Variants in IQSEC3 observed in about 807,000 individuals in gnomAD.
IQSEC3 encodes IQ motif and Sec7 domain ArfGEF 3, also known as IQ motif and SEC7 domain-containing protein 3.
Under a neutral mutation model 105.4 loss-of-function variants are expected in IQSEC3, and 50 were observed. The ratio of observed to expected loss-of-function variants is 0.47; its 90% CI spans 0.38 to 0.60. The LOEUF (loss-of-function observed/expected upper bound fraction) is 0.60. Among genes scored for constraint, IQSEC3 ranks in the 20% least tolerant of loss-of-function variants. The pLI is 0.00. For missense variants in IQSEC3, 1,415 were observed against 1,630.0 expected (o/e 0.87, Z 2.27); for synonymous variants, 708 against 746.0 (o/e 0.95, Z 0.83).
At chr12:83,421 G>A (rs1275625959) in intron 1 of IQSEC3, among the ~76,000 whole-genome samples, 6 of 152,016 alleles carry the variant, frequency 3.9e-5, no homozygotes, top group South Asian at 2.1e-4. Context: ...AGAAAAGTAC[G>A]GGGGTGGCTA....
Position 174,622 on chromosome 12 carries a change from A to T in IQSEC3, c.3138A>T (p.Gln1046His). ...TVEVSIHNRL[Q>H]TSQHNSGLGA... ...AGGTGTCAATTCACAACAGGCTTCA[A>T]ACGTCCCAGCACAACTCCGGGCTGG... The change falls in exon 14 of 14, where the codon CAA (glutamine) becomes CAT (histidine). Residue 1046 changes from glutamine (Q) to histidine (H), a missense_variant. Physicochemically the swap from Gln to His is conservative, Grantham distance 24. Around this residue, in one of 6 missense-constraint regions of IQSEC3, gnomAD observed 419 missense variants for 436.2 expected, o/e 0.96. Transcript: ENST00000538872. 1 of 1,554,240 alleles carries T rather than the reference A, an allele frequency of 6.4e-7. No homozygotes were observed.
intron 5 of IQSEC3, chr12:144,256 T>G (rs4980848): frequency 0.76 from 115,444 of 151,876 alleles, 43,984 homozygotes; most frequent in Middle Eastern, 0.88. Flanking sequence ...GCATTTCCCT[T>G]CCACTCTGAC....
At chr12:127,439 G>A (rs114070016) in intron 3 of IQSEC3, among the ~76,000 whole-genome samples, 1 of 152,146 alleles carries the variant, frequency 6.6e-6, no homozygotes, top group Non-Finnish European at 1.5e-5. Context: ...TTCCTTGAAT[G>A]CGGGAGGCGG....
At chr12:139,479 G>C in intron 4 of IQSEC3, 125 bp downstream of exon 4, 1 of 720,506 alleles carries the variant, frequency 1.4e-6, no homozygotes, top group South Asian at 2.2e-5. Context: ...GGGTCCTCCA[G>C]GCAGGCGCAT....
intron 5 of IQSEC3, among the ~76,000 whole-genome samples, chr12:155,181 C>T (rs1210094541): frequency 1.3e-5 from 2 of 152,202 alleles, no homozygotes; most frequent in African/African-American, 2.4e-5. Flanking sequence ...GGAGGGCCAC[C>T]GGGAAATCAG....
chr12:133,023 G>T (rs1565420368), intron 3 of IQSEC3, among the ~76,000 whole-genome samples: 1 of 152,212 alleles, frequency 6.6e-6, no homozygotes, highest in Admixed American at 6.5e-5. Context: ...AATCAGCTGG[G>T]ATCTGGGGCT....
At chr12:115,382 C>A (rs1555080429) in intron 2 of IQSEC3, among the ~76,000 whole-genome samples, 1 of 152,112 alleles carries the variant, frequency 6.6e-6, no homozygotes, top group African/African-American at 2.4e-5. Flanking sequence ...GCTTTAGAGC[C>A]AAGAGAATAT....
At chr12:162,909 G>A (rs1292806018) in intron 8 of IQSEC3, among the ~76,000 whole-genome samples, 2 of 152,128 alleles carry the variant, frequency 1.3e-5, no homozygotes, top group African/African-American at 4.8e-5. Flanking sequence ...GAGGGAAGCA[G>A]GTTGACAGTG....
At chr12:157,190 T>A (rs1555094613) in intron 6 of IQSEC3, 43 bp downstream of exon 6, 1 of 1,488,254 alleles carries the variant, frequency 6.7e-7, no homozygotes, top group South Asian at 1.4e-5. Flanking sequence ...GACCCCAGCG[T>A]GGGGAAGCCG....
chr12:70,621 C>A (rs1242104425), intron 1 of IQSEC3, among the ~76,000 whole-genome samples: 1 of 152,368 alleles, frequency 6.6e-6, no homozygotes, highest in African/African-American at 2.4e-5. Context: ...GGTGCCAGAA[C>A]CTCAACTTGA....
intron 6 of IQSEC3, 51 bp from the exon 7 acceptor site, chr12:157,477 G>T (rs782748126): frequency 6.4e-7 from 1 of 1,558,166 alleles, no homozygotes. Flanking sequence ...TTGGGCCCGG[G>T]GGAGGGTGGG....
At chr12:131,652 C>G (rs1420900095) in intron 3 of IQSEC3, among the ~76,000 whole-genome samples, 1 of 152,178 alleles carries the variant, frequency 6.6e-6, no homozygotes, top group African/African-American at 2.4e-5. Context: ...CAGCACTGGG[C>G]ACAAGAGATG....
At chr12:172,933 G>A (rs561792449) in intron 13 of IQSEC3, among the ~76,000 whole-genome samples, 30 of 152,296 alleles carry the variant, frequency 2.0e-4, no homozygotes, top group African/African-American at 6.5e-4. Flanking sequence ...GGCGCGGCAC[G>A]GGGAGCTTCA....
intron 2 of IQSEC3, among the ~76,000 whole-genome samples, chr12:116,830 A>G (rs1263771197): frequency 1.3e-5 from 2 of 152,180 alleles, no homozygotes; most frequent in African/African-American, 4.8e-5. Flanking sequence ...TGTAAAGACA[A>G]GGGGGGCGTT....
At chr12:112,884 A>T (rs928647957) in intron 2 of IQSEC3, among the ~76,000 whole-genome samples, 1 of 151,932 alleles carries the variant, frequency 6.6e-6, no homozygotes. Flanking sequence ...CCTACATTTC[A>T]CTTATTATTG....
intron 2 of IQSEC3, among the ~76,000 whole-genome samples, chr12:100,612 T>G (rs1864393618): frequency 1.3e-5 from 2 of 151,952 alleles, no homozygotes; most frequent in African/African-American, 4.8e-5. Flanking sequence ...GAGGGAGGGA[T>G]GGGAGTTACT....
At chr12:73,138 T>C (rs1162938676) in intron 1 of IQSEC3, among the ~76,000 whole-genome samples, 3 of 151,884 alleles carry the variant, frequency 2.0e-5, no homozygotes, top group Non-Finnish European at 4.4e-5. Context: ...AGCTAAATCT[T>C]TCAGGCTGAA....
chr12:73,948 GC>G (rs1221254473), intron 1 of IQSEC3, among the ~76,000 whole-genome samples: 2 of 152,274 alleles, frequency 1.3e-5, no homozygotes, highest in African/African-American at 4.8e-5. Context: ...GCTTCTTTAA[GC>G]CCAACTAAAA....
At chr12:93,869 CCT>C (rs1555074159) in intron 1 of IQSEC3, among the ~76,000 whole-genome samples, 1 of 152,124 alleles carries the variant, frequency 6.6e-6, no homozygotes, top group Non-Finnish European at 1.5e-5. Context: ...ACCTCCCTCC[CCT>C]CTCTCTTTTG....
Sources: gnomAD v4.1 joint callset for allele counts (sites outside exome capture counted in the v4.1 genomes callset) on GRCh38, gnomAD v4.1.1 for gene constraint, gnomAD v4.1.1 regional missense constraint, MANE v1.5 for transcripts, NCBI Gene and HGNC (gene_info 2026-07-23, HGNC 2026-07-21) for gene names.